Variants in OR10G4 observed in about 807,000 individuals in gnomAD.
OR10G4 encodes olfactory receptor 10G4.
For synonymous variants in OR10G4, 130 were observed against 159.3 expected, an observed-to-expected ratio of 0.82 and a Z score of 1.39; for missense variants, 318 against 388.8, an observed-to-expected ratio of 0.82 and a Z score of 1.53.
rs201867883 is a variant in OR10G4, at chr11:124,015,675, T to G, written c.101T>G (p.Val34Gly). 87 of 1,610,108 alleles carry G rather than the reference T, an allele frequency of 5.4e-5. 2 individuals carry two copies. The Admixed American group carries it at 6.2e-4, about 11-fold the overall frequency. Residue 34 changes from valine (V) to glycine (G), a missense_variant, in exon 2 of 2, where the codon GTG becomes GGG. Physicochemically the swap from Val to Gly is moderately radical, Grantham distance 109. Transcript: ENST00000641722. ...TTTGGAATCTTCCTGGTGGTTTACG[T>G]GCTCACTGTGCTGGGGAACCTCCTC... is the stretch of plus-strand genomic sequence containing the variant. Reference protein sequence around the residue: ...LLFGIFLVVYVLTVLGNLLIL... With the variant: ...LLFGIFLVVYGLTVLGNLLIL...
chr11:124,018,715 C>T lies in OR10G4; in HGVS notation c.*2205C>T, dbSNP rs915499149. On this transcript the variant is annotated 3_prime_UTR_variant, in exon 2 of 2. Coordinates refer to ENST00000641722, the MANE Select transcript of OR10G4 (RefSeq NM_001004462.2). ...GATTTATAATCCTTTGGGTATATAC[C>T]CAGTAACGGGATTGCTGGGTCAAAT... The T allele has an allele frequency of 6.6e-6, 1 of 152,004 alleles. No homozygotes were observed. Among genetic ancestry groups the T allele is most frequent in the Non-Finnish European group, 1.5e-5 (1 of 68,008 alleles). The allele number at this position is 152,004 out of a possible 1,614,324, so 9.4% of individuals were successfully genotyped here. A position where few individuals can be genotyped will look rare whatever the true frequency, so the allele number is the denominator to read the frequency against.
intron 1 of OR10G4, among the ~76,000 whole-genome samples, chr11:124,013,629 T>C (rs184531903): frequency 6.6e-6 from 1 of 152,330 alleles, no homozygotes; most frequent in East Asian, 1.9e-4. Context: ...GCAGATATCC[T>C]GGTTTCTTCC....
Position 124,015,799 on chromosome 11 carries a change from G to C in OR10G4, c.225G>C (p.Thr75=). 1.2e-6 allele frequency: 2 copies of C among 1,604,660 alleles called. No homozygotes were observed. The highest frequency in any genetic ancestry group is 1.7e-6 in the Non-Finnish European group (2 of 1,172,572). ...TTGACATGTGGTTCTCCACTGTCACGGTGCCCAAAATGCTGATGACCTTGG... is the reference window on the plus strand; with the variant it reads ...TTGACATGTGGTTCTCCACTGTCACCGTGCCCAAAATGCTGATGACCTTGG... ...SFIDMWFSTV[T]VPKMLMTLVS... is the part of the protein sequence containing the mutation. The change falls in exon 2 of 2, where the codon ACG becomes ACC. Residue 75 remains threonine (T), a synonymous_variant. Coordinates refer to ENST00000641722, the MANE Select transcript of OR10G4 (RefSeq NM_001004462.2).
At chr11:124,014,173 A>C (rs1310321427) in intron 1 of OR10G4, among the ~76,000 whole-genome samples, 1 of 152,114 alleles carries the variant, frequency 6.6e-6, no homozygotes, top group Non-Finnish European at 1.5e-5. Flanking sequence ...CCCACTATAG[A>C]GTTGTGCTGA....
chr11:124,014,208 T>C (rs1472458457), intron 1 of OR10G4, among the ~76,000 whole-genome samples: 2 of 152,112 alleles, frequency 1.3e-5, no homozygotes, highest in East Asian at 3.8e-4. Flanking sequence ...CTAAGAGACC[T>C]AGGAGAAGCC....
Position 124,017,284 on chromosome 11 carries a change from A to G in OR10G4, c.*774A>G, listed in dbSNP as rs1349300285. On this transcript the variant is annotated 3_prime_UTR_variant, in exon 2 of 2. Transcript: ENST00000641722. ...TTGTTTACGCACTTTATACATTTGC[A>G]CCCATTTTTAATGTTTGTTAAGATC... The G allele has an allele frequency of 6.6e-6, 1 of 152,220 alleles. No individual in the cohort carries two copies. Among genetic ancestry groups the G allele is most frequent in the Non-Finnish European group, 1.5e-5 (1 of 68,032 alleles). 9.4% of individuals were successfully genotyped at this position (152,220 alleles called of 1,614,324 possible).
chr11:124,016,371 C>T lies in OR10G4; in HGVS notation c.797C>T (p.Ala266Val), dbSNP rs773543937. 5 of 1,614,056 alleles carry T rather than the reference C, an allele frequency of 3.1e-6. No individual in the cohort carries two copies. Among genetic ancestry groups the T allele is most frequent in the Admixed American group, 3.3e-5 (2 of 60,002 alleles). Residue 266 changes from alanine (A) to valine (V), a missense_variant, in exon 2 of 2, where the codon GCC (alanine) becomes GTC (valine). Physicochemically the swap from Ala to Val is moderately conservative, Grantham distance 64. Transcript: ENST00000641722. ...VIYLRPGSMD[A>V]MDGVVAIFYT... ...TATCTGAGGCCAGGCTCCATGGATG[C>T]CATGGATGGAGTTGTGGCCATTTTC... is the stretch of plus-strand genomic sequence containing the variant.
chr11:124,015,472 A>T, intron 1 of OR10G4, 76 bp from the exon 2 acceptor site: 1 of 1,340,250 alleles, frequency 7.5e-7, no homozygotes. Flanking sequence ...TACCTGGTTG[A>T]TGCAGTTTCC....
chr11:124,013,389 A>G (rs1413750296), intron 1 of OR10G4, among the ~76,000 whole-genome samples: 2 of 152,154 alleles, frequency 1.3e-5, no homozygotes, highest in Non-Finnish European at 2.9e-5. Context: ...AAATTTTCAT[A>G]TTTCATAAAA....
chr11:124,017,900 A>C lies in OR10G4; in HGVS notation c.*1390A>C, dbSNP rs893895931. On this transcript the variant is annotated 3_prime_UTR_variant, in exon 2 of 2. Coordinates refer to ENST00000641722, the MANE Select transcript of OR10G4 (RefSeq NM_001004462.2). ...TGTTGCATTTGTATGAGACTAGACA[A>C]ATAGAAAAACGGAACTGAATACAGA... is the stretch of plus-strand genomic sequence containing the variant. 1.4e-4 allele frequency: 21 copies of C among 152,364 alleles called. No individual in the cohort carries two copies. The highest frequency in any genetic ancestry group is 2.6e-4 in the Non-Finnish European group (18 of 68,038). 9.4% of individuals were successfully genotyped at this position (152,364 alleles called of 1,614,324 possible).
At chr11:124,013,410 C>T (rs1388810146) in intron 1 of OR10G4, among the ~76,000 whole-genome samples, 1 of 152,156 alleles carries the variant, frequency 6.6e-6, no homozygotes, top group Non-Finnish European at 1.5e-5. Context: ...TCTGATTATG[C>T]TGTATTCCTG....
chr11:124,014,294 G>A (rs1199351930), intron 1 of OR10G4, among the ~76,000 whole-genome samples: 1 of 152,176 alleles, frequency 6.6e-6, no homozygotes. Flanking sequence ...ATAGCTCTTA[G>A]ATTAAGGACT....
chr11:124,016,806 A>G lies in OR10G4; in HGVS notation c.*296A>G. 4.8e-6 allele frequency: 1 copy of G among 209,164 alleles called. No individual in the cohort carries two copies. Among genetic ancestry groups the G allele is most frequent in the Non-Finnish European group, 9.5e-6 (1 of 105,328 alleles). The allele number at this position is 209,164 out of a possible 1,614,324, so 13.0% of individuals were successfully genotyped here. A position where few individuals can be genotyped will look rare whatever the true frequency, so the allele number is the denominator to read the frequency against. Reference sequence around the variant, plus strand: ...ATAGATGATTAATTCATGTTTATAAATTGATAAACGGTTTTTGTGTTTTGT... The same window carrying G: ...ATAGATGATTAATTCATGTTTATAAGTTGATAAACGGTTTTTGTGTTTTGT... On this transcript the variant is annotated 3_prime_UTR_variant, in exon 2 of 2. Transcript: ENST00000641722.
intron 1 of OR10G4, 197 bp from the exon 2 acceptor site, chr11:124,015,347 CTCTG>C (rs1864005470): frequency 1.7e-6 from 1 of 596,340 alleles, no homozygotes; most frequent in South Asian, 2.3e-5. Flanking sequence ...GCATGTGTGT[CTCTG>C]TGTGTGTGCA....
In OR10G4 at chr11:124,015,901, C is replaced by T. The variant is rs757242198; in HGVS notation, c.327C>T (p.Thr109=). 4.0e-5 allele frequency: 65 copies of T among 1,613,276 alleles called. 1 individual carries two copies. The highest frequency in any genetic ancestry group is 7.7e-5 in the South Asian group (7 of 91,040). ...QLYFFHFLGS[T]ECFLYTVMSY... is the part of the protein sequence containing the mutation. ...ATTTTTTCCACTTCCTGGGGAGCAC[C>T]GAGTGTTTCCTCTACACAGTCATGT... The change falls in exon 2 of 2, where the codon ACC becomes ACT. Residue 109 remains threonine (T), a synonymous_variant. Transcript: ENST00000641722.
chr11:124,013,451 T>G (rs1863987586), intron 1 of OR10G4, among the ~76,000 whole-genome samples: 1 of 152,192 alleles, frequency 6.6e-6, no homozygotes, highest in Non-Finnish European at 1.5e-5. Flanking sequence ...CAGTAGAAAT[T>G]TCAGAGTTAT....
rs1864010738 is a variant in OR10G4, at chr11:124,015,744, T to C, written c.170T>C (p.Met57Thr). 2 of 1,606,900 alleles carry C rather than the reference T, an allele frequency of 1.2e-6. No individual in the cohort carries two copies. The highest frequency in any genetic ancestry group is 2.2e-5 in the South Asian group (2 of 90,548). Residue 57 changes from methionine to threonine, a missense_variant, in exon 2 of 2, where the codon ATG becomes ACG. Physicochemically the swap from Met to Thr is moderately conservative, Grantham distance 81 (BLOSUM62 -1). Coordinates refer to ENST00000641722, the MANE Select transcript of OR10G4 (RefSeq NM_001004462.2). ...GTGGATTCTCACCTCCACACCCCCA[T>C]GTACTACTTCCTCACCAACCTGTCC... is the stretch of plus-strand genomic sequence containing the variant. ...IRVDSHLHTPMYYFLTNLSFI... is the reference protein window; with the variant it reads ...IRVDSHLHTPTYYFLTNLSFI...
intron 1 of OR10G4, among the ~76,000 whole-genome samples, chr11:124,013,782 G>A (rs1591463362): frequency 6.6e-6 from 1 of 152,120 alleles, no homozygotes; most frequent in Non-Finnish European, 1.5e-5. Flanking sequence ...TGGACATCAC[G>A]CCAATATATA....
In OR10G4 at chr11:124,016,224, A is replaced by G. The variant is rs150906375; in HGVS notation, c.650A>G (p.Tyr217Cys). ...SGCFVLIVLS[Y>C]VSIVCSILRI... ...TGCTTTGTCCTGATAGTGCTGTCCTATGTGTCCATCGTCTGTTCCATCCTG... is the reference window on the plus strand; with the variant it reads ...TGCTTTGTCCTGATAGTGCTGTCCTGTGTGTCCATCGTCTGTTCCATCCTG... Residue 217 changes from tyrosine (Y) to cysteine (C), a missense_variant, in exon 2 of 2, where the codon TAT becomes TGT. By Grantham distance (194) the Tyr-to-Cys change is radical. Transcript: ENST00000641722. The G allele has an allele frequency of 5.8e-4, 942 of 1,614,132 alleles. 1 individual carries two copies. The highest frequency in any genetic ancestry group is 7.3e-4 in the Non-Finnish European group (864 of 1,180,030).
Sources: allele counts gnomAD v4.1 joint callset (sites outside exome capture counted in the v4.1 genomes callset), GRCh38; gene constraint gnomAD v4.1.1; transcripts MANE v1.5; gene names NCBI Gene and HGNC (gene_info 2026-07-23, HGNC 2026-07-21).